Variants in FRMD4A observed in about 807,000 individuals in gnomAD.
FRMD4A encodes the protein FERM domain containing 4A.
FRMD4A carries 29 observed loss-of-function variants against 129.1 expected under a neutral mutation model. That is an observed-to-expected ratio of 0.22 (90% CI 0.17 to 0.31). FRMD4A has a LOEUF of 0.31. Ranked by LOEUF, FRMD4A falls within the 10% of genes least tolerant of loss-of-function variation. The pLI is 1.00. For missense variants in FRMD4A, 1,272 were observed against 1,375.8 expected, an observed-to-expected ratio of 0.92 and a Z score of 1.19; for synonymous variants, 634 against 571.6, an observed-to-expected ratio of 1.11 and a Z score of -1.56.
At chr10:14,155,052 G>A (rs1840527697) in intron 2 of FRMD4A, among the ~76,000 whole-genome samples, 1 of 152,218 alleles carries the variant, frequency 6.6e-6, no homozygotes, top group Admixed American at 6.5e-5. Context: ...GCACTTTGGG[G>A]AGGCCAAAGC....
chr10:13,856,884 T>C (rs1309559784), intron 3 of FRMD4A, among the ~76,000 whole-genome samples: 1 of 152,180 alleles, frequency 6.6e-6, no homozygotes, highest in Non-Finnish European at 1.5e-5. Context: ...GGCTTCTTTC[T>C]AAACCTCCAA....
intron 3 of FRMD4A, among the ~76,000 whole-genome samples, chr10:13,835,261 TAAC>T (rs1276107571): frequency 6.6e-6 from 1 of 152,206 alleles, no homozygotes; most frequent in African/African-American, 2.4e-5. Context: ...AGCATGGAGA[TAAC>T]AACAGTTTAT....
chr10:13,994,175 A>ATTTT (rs549621959), intron 2 of FRMD4A, among the ~76,000 whole-genome samples: 8 of 101,964 alleles, frequency 7.8e-5, no homozygotes, highest in Non-Finnish European at 1.3e-4. Context: ...CGCCCAGCTA[A>ATTTT]TTTTTTTTTT....
chr10:14,243,630 T>G (rs895667054), intron 2 of FRMD4A, among the ~76,000 whole-genome samples: 3 of 151,844 alleles, frequency 2.0e-5, no homozygotes, highest in African/African-American at 7.3e-5. Context: ...GAATGTAAAA[T>G]GGTGGTTGCT....
intron 2 of FRMD4A, among the ~76,000 whole-genome samples, chr10:14,076,128 C>T (rs956825941): frequency 2.6e-5 from 4 of 152,172 alleles, no homozygotes; most frequent in Admixed American, 6.5e-5. Context: ...CACCCCTTCA[C>T]CTGTTCATTT....
rs528616358 is a variant in FRMD4A, at chr10:13,821,860, C to T, written c.112-10952G>A. Among the ~76,000 whole-genome samples the T allele has an allele frequency of 2.0e-5, 3 of 152,250 alleles. No individual in the cohort carries two copies. The highest frequency in any genetic ancestry group is 6.5e-5 in the Admixed American group (1 of 15,290). ...GAGGAGGCCAGAAACCTGTCCAGGA[C>T]GAGGGTGGGCACCTTGGTTACCAGC... On this transcript the variant is annotated intron_variant, in intron 3 of 24. Transcript: ENST00000357447. The surrounding 1 kb of genome is among the most constrained non-coding windows in gnomAD (Gnocchi z 4.3).
At chr10:14,208,428 C>A (rs1435517321) in intron 2 of FRMD4A, among the ~76,000 whole-genome samples, 2 of 152,078 alleles carry the variant, frequency 1.3e-5, no homozygotes, top group African/African-American at 2.4e-5. Flanking sequence ...TACTCATATG[C>A]TCTCATGTTA....
At chr10:14,162,641 G>GTTTTTTTTTT (rs71388160) in intron 2 of FRMD4A, among the ~76,000 whole-genome samples, 228 of 118,264 alleles carry the variant, frequency 1.9e-3, no homozygotes, top group Middle Eastern at 4.4e-3. Context: ...TTTTTTTTTT[G>GTTTTTTTTTT]TTTTTTTTTT....
At chr10:13,696,735 G>A (rs938508940) in intron 14 of FRMD4A, among the ~76,000 whole-genome samples, 1 of 129,036 alleles carries the variant, frequency 7.7e-6, no homozygotes, top group Admixed American at 7.6e-5. Flanking sequence ...CTGGGTGCTA[G>A]AGTGAGACTG....
At chr10:13,975,787 C>T (rs1043732293) in intron 2 of FRMD4A, among the ~76,000 whole-genome samples, 2 of 152,154 alleles carry the variant, frequency 1.3e-5, no homozygotes, top group Non-Finnish European at 2.9e-5. Context: ...CTTCATCTTA[C>T]AGAGGAGGTC....
At chr10:13,997,191 A>G (rs569202251) in intron 2 of FRMD4A, among the ~76,000 whole-genome samples, 93 of 152,118 alleles carry the variant, frequency 6.1e-4, no homozygotes, top group South Asian at 1.7e-3. Flanking sequence ...GACCTAAGGG[A>G]CAATTGCAGC....
chr10:13,907,363 G>C (rs1565014489), intron 2 of FRMD4A, among the ~76,000 whole-genome samples: 1 of 152,298 alleles, frequency 6.6e-6, no homozygotes, highest in East Asian at 1.9e-4. Flanking sequence ...AGACTGCACA[G>C]CAGGTCTTGT....
At chr10:14,096,719 T>C (rs1199540345) in intron 2 of FRMD4A, among the ~76,000 whole-genome samples, 1 of 152,200 alleles carries the variant, frequency 6.6e-6, no homozygotes, top group Non-Finnish European at 1.5e-5. Context: ...CAGGAGTTGA[T>C]GACTCAGGAG....
chr10:13,669,988 A>C (rs1011341845), intron 17 of FRMD4A, among the ~76,000 whole-genome samples: 5 of 152,146 alleles, frequency 3.3e-5, no homozygotes, highest in African/African-American at 9.7e-5. Context: ...TCCCCAGCCA[A>C]TGTACCCTTG....
At chr10:13,756,611 C>A (rs147267173) in intron 8 of FRMD4A, among the ~76,000 whole-genome samples, 7 of 152,266 alleles carry the variant, frequency 4.6e-5, no homozygotes, top group African/African-American at 1.7e-4. Context: ...GCAATCCATC[C>A]GCCTCGGCCT....
intron 2 of FRMD4A, among the ~76,000 whole-genome samples, chr10:14,324,133 A>G (rs1843170547): frequency 6.6e-6 from 1 of 152,212 alleles, no homozygotes; most frequent in African/African-American, 2.4e-5. Context: ...GATTAGACTA[A>G]CAGAAACAGG....
chr10:13,810,247 T>C (rs2093422893), intron 4 of FRMD4A, among the ~76,000 whole-genome samples: 1 of 152,240 alleles, frequency 6.6e-6, no homozygotes, highest in Non-Finnish European at 1.5e-5. Flanking sequence ...ATGGAAATTT[T>C]AGTAAAGATT....
At chr10:14,191,254 G>A (rs1359044211) in intron 2 of FRMD4A, among the ~76,000 whole-genome samples, 2 of 152,166 alleles carry the variant, frequency 1.3e-5, no homozygotes, top group Non-Finnish European at 2.9e-5. Flanking sequence ...TTTGGGGCAT[G>A]GTTTCAGTTG....
intron 6 of FRMD4A, among the ~76,000 whole-genome samples, chr10:13,781,917 T>C (rs927761471): frequency 6.6e-6 from 1 of 152,056 alleles, no homozygotes; most frequent in African/African-American, 2.4e-5. Flanking sequence ...TTATACAACA[T>C]TGTGAGTGTA....
Sources: allele counts gnomAD v4.1 joint callset (sites outside exome capture counted in the v4.1 genomes callset), GRCh38; gene constraint gnomAD v4.1.1; non-coding constraint Gnocchi (gnomAD v3.1); transcripts MANE v1.5; gene names NCBI Gene and HGNC (gene_info 2026-07-23, HGNC 2026-07-21).